Variants in CSGALNACT1 observed in about 807,000 individuals in gnomAD.
CSGALNACT1 encodes the protein beta4GalNAcT-1.
Under a neutral mutation model 51.0 loss-of-function variants are expected in CSGALNACT1, and 52 were observed. The observed-to-expected ratio is 1.02, with a 90% CI of 0.82 to 1.29. CSGALNACT1 has a LOEUF of 1.29. Among genes scored for constraint, CSGALNACT1 ranks in the 50% most tolerant of loss-of-function variants. CSGALNACT1 has a pLI of 0.00. For synonymous variants in CSGALNACT1, 341 were observed against 254.4 expected, an observed-to-expected ratio of 1.34 and a Z score of -3.24; for missense variants, 935 against 679.2, an observed-to-expected ratio of 1.38 and a Z score of -4.19.
intron 3 of CSGALNACT1, among the ~76,000 whole-genome samples, chr8:19,564,159 A>G (rs1420922762): frequency 6.6e-6 from 1 of 152,156 alleles, no homozygotes; most frequent in Non-Finnish European, 1.5e-5. Flanking sequence ...CAAACTTTTA[A>G]AAGAGGAAAC....
At chr8:19,616,481 A>T (rs2053033017) in intron 1 of CSGALNACT1, among the ~76,000 whole-genome samples, 2 of 152,098 alleles carry the variant, frequency 1.3e-5, no homozygotes, top group Admixed American at 1.3e-4. Flanking sequence ...TCATCCAAGG[A>T]CTGGCTAATA....
chr8:19,602,495 T>A (rs1027531001), exon 1 of CSGALNACT1: 2 of 152,508 alleles, frequency 1.3e-5, no homozygotes. Context: ...CGAGCGCATC[T>A]GCCCACAGCG....
At chr8:19,420,594 G>T in intron 6 of CSGALNACT1, 76 bp from the exon 6 acceptor site, 2 of 1,457,862 alleles carry the variant, frequency 1.4e-6, no homozygotes, top group Non-Finnish European at 1.9e-6. Context: ...ATGTAATCAG[G>T]GCCCATCCAC....
At chr8:19,463,508 G>C (rs917706796) in intron 4 of CSGALNACT1, among the ~76,000 whole-genome samples, 16 of 152,160 alleles carry the variant, frequency 1.1e-4, no homozygotes, top group African/African-American at 3.6e-4. Context: ...CTTGGGCATG[G>C]GGGGAGGGGT....
At chr8:19,734,700 T>C (rs778592350) in intron 1 of CSGALNACT1, among the ~76,000 whole-genome samples, 1 of 152,034 alleles carries the variant, frequency 6.6e-6, no homozygotes, top group Non-Finnish European at 1.5e-5. Flanking sequence ...CACAGAAAAA[T>C]CTGAGGAAGA....
chr8:19,456,928 A>G (rs140698595), intron 5 of CSGALNACT1, among the ~76,000 whole-genome samples: 105 of 152,372 alleles, frequency 6.9e-4, no homozygotes, highest in African/African-American at 2.4e-3. Flanking sequence ...GTTTAAGAAG[A>G]AATAGACTTG....
intron 1 of CSGALNACT1, among the ~76,000 whole-genome samples, chr8:19,637,494 T>C (rs971624756): frequency 6.6e-6 from 1 of 152,180 alleles, no homozygotes; most frequent in Non-Finnish European, 1.5e-5. Context: ...TCTTGATTAT[T>C]CCCCCCGAAG....
chr8:19,519,878 A>G (rs1002109878), intron 3 of CSGALNACT1, among the ~76,000 whole-genome samples: 3 of 152,176 alleles, frequency 2.0e-5, no homozygotes, highest in Non-Finnish European at 4.4e-5. Context: ...ATTATGGAAG[A>G]ATGGATCTGC....
intron 3 of CSGALNACT1, among the ~76,000 whole-genome samples, chr8:19,518,491 C>G (rs564741143): frequency 6.6e-6 from 1 of 152,290 alleles, no homozygotes; most frequent in African/African-American, 2.4e-5. Context: ...AAACATCATA[C>G]CTGATCAAAC....
intron 1 of CSGALNACT1, among the ~76,000 whole-genome samples, chr8:19,660,763 C>T (rs1301894575): frequency 2.0e-5 from 3 of 152,156 alleles, no homozygotes; most frequent in African/African-American, 2.4e-5. Context: ...ATGAAAATCA[C>T]CAGTCCCTAG....
In CSGALNACT1 at chr8:19,475,245, C is replaced by A. The variant is rs540533227; in HGVS notation, c.635-16603G>T. 1.7e-3 allele frequency among the ~76,000 whole-genome samples: 262 copies of A among 152,240 alleles called. 2 individuals are homozygous for A. The highest frequency in any genetic ancestry group is 3.4e-3 in the Middle Eastern group (1 of 294). ...AGAAAAATGCAGAAGCCGAGAAAGT[C>A]TGGGAAATAGACCAGGTAGAGAATG... is the stretch of plus-strand genomic sequence containing the variant. On this transcript the variant is annotated intron_variant, in intron 4 of 9. Transcript: ENST00000454498.
chr8:19,540,791 C>T (rs2084918011), intron 3 of CSGALNACT1, among the ~76,000 whole-genome samples: 1 of 152,158 alleles, frequency 6.6e-6, no homozygotes, highest in African/African-American at 2.4e-5. Flanking sequence ...TTTCCTCTCC[C>T]TCCACCGGAT....
At chr8:19,609,031 G>A (rs1255880668) in intron 1 of CSGALNACT1, among the ~76,000 whole-genome samples, 1 of 151,732 alleles carries the variant, frequency 6.6e-6, no homozygotes, top group Non-Finnish European at 1.5e-5. Context: ...CAACTGCAAG[G>A]GAATTGAGAA....
chr8:19,602,917 T>C (rs1386249342), upstream of CSGALNACT1, among the ~76,000 whole-genome samples: 1 of 152,034 alleles, frequency 6.6e-6, no homozygotes, highest in South Asian at 2.1e-4. Context: ...TTTTATCCCA[T>C]CTGTCTTTAT....
At chr8:19,744,823 C>A (rs913004799) in intron 1 of CSGALNACT1, among the ~76,000 whole-genome samples, 1 of 152,160 alleles carries the variant, frequency 6.6e-6, no homozygotes, top group Non-Finnish European at 1.5e-5. Flanking sequence ...TTCCATACAC[C>A]TTTATCAAGA....
At chr8:19,604,415 G>A (rs1218440980), upstream of CSGALNACT1, among the ~76,000 whole-genome samples, 1 of 152,192 alleles carries the variant, frequency 6.6e-6, no homozygotes, top group Non-Finnish European at 1.5e-5. Context: ...ATGGATATGT[G>A]CATTAATATT....
chr8:19,429,678 C>G (rs1476288784), intron 6 of CSGALNACT1, among the ~76,000 whole-genome samples: 1 of 152,214 alleles, frequency 6.6e-6, no homozygotes, highest in Non-Finnish European at 1.5e-5. Context: ...AATAATGCAG[C>G]TATGAACATT....
exon 5 of CSGALNACT1, chr8:19,458,628 C>G: frequency 6.2e-7 from 1 of 1,614,138 alleles, no homozygotes; most frequent in African/African-American, 1.3e-5. Context: ...TTGTCCCTTT[C>G]TGTTCGGTAG....
At chr8:19,536,558 G>A (rs1411061993) in intron 3 of CSGALNACT1, among the ~76,000 whole-genome samples, 1 of 152,080 alleles carries the variant, frequency 6.6e-6, no homozygotes, top group Non-Finnish European at 1.5e-5. Flanking sequence ...ATGTAATCAG[G>A]AGTTACATGA....
Sources: allele counts gnomAD v4.1 joint callset (sites outside exome capture counted in the v4.1 genomes callset), GRCh38; gene constraint gnomAD v4.1.1; transcripts MANE v1.5; gene names NCBI Gene and HGNC (gene_info 2026-07-23, HGNC 2026-07-21).